Variants in LRCH3 observed in about 807,000 individuals in gnomAD.
LRCH3 encodes leucine rich repeats and calponin homology domain containing 3, also known as DISP complex protein LRCH3.
In LRCH3, 68 loss-of-function variants were observed where a neutral mutation model predicts 104.5. The observed-to-expected ratio is 0.65, with a 90% CI of 0.54 to 0.80. The LOEUF is 0.80. Among genes scored for constraint, LRCH3 ranks in the 30% least tolerant of loss-of-function variants. The pLI, the probability that LRCH3 is intolerant of heterozygous loss-of-function variation, is 0.00. For missense variants in LRCH3, 951 were observed against 953.9 expected (o/e 1.00, Z 0.04); for synonymous variants, 344 against 361.3 (o/e 0.95, Z 0.54).
intron 12 of LRCH3, 32 bp downstream of exon 12, chr3:197,848,053 C>A (rs777991012): frequency 1.2e-6 from 2 of 1,610,802 alleles, no homozygotes; most frequent in South Asian, 2.2e-5. Context: ...GTTCAAGCTG[C>A]TGACTGGCTA....
intron 4 of LRCH3, among the ~76,000 whole-genome samples, chr3:197,824,823 G>A (rs138399846): frequency 1.3e-5 from 2 of 151,634 alleles, no homozygotes; most frequent in East Asian, 3.9e-4. Context: ...ACCCGCCTTG[G>A]CCTCCCAAAG....
chr3:197,838,241 G>A lies in LRCH3; in HGVS notation c.1252-1080G>A, dbSNP rs553048964. On this transcript the variant is annotated intron_variant, in intron 9 of 20. Coordinates refer to ENST00000425562, the MANE Select transcript of LRCH3 (RefSeq NM_001365715.1). ...TTGAGGCCGGCCTGGGCCACATAGC[G>A]ACACTCTGTCTCCAGATAAGCAAAA... 2.7e-3 allele frequency among the ~76,000 whole-genome samples: 415 copies of A among 152,344 alleles called. 1 individual carries two copies. The highest frequency in any genetic ancestry group is 3.4e-3 in the Non-Finnish European group (234 of 68,024).
chr3:197,862,153 G>A (rs556594470), intron 15 of LRCH3, among the ~76,000 whole-genome samples: 41 of 152,122 alleles, frequency 2.7e-4, no homozygotes, highest in African/African-American at 8.9e-4. Context: ...ATGCCACCAC[G>A]CCCAGCTAAT....
intron 4 of LRCH3, among the ~76,000 whole-genome samples, chr3:197,822,392 A>C (rs1045022841): frequency 6.6e-6 from 1 of 152,372 alleles, no homozygotes; most frequent in East Asian, 1.9e-4. Flanking sequence ...ACTTACTCCT[A>C]TAATAATATT....
At chr3:197,792,401 T>A (rs1730629239) in intron 1 of LRCH3, among the ~76,000 whole-genome samples, 1 of 149,608 alleles carries the variant, frequency 6.7e-6, no homozygotes, top group South Asian at 2.1e-4. Context: ...GTAGGTATTA[T>A]TTGGCTTTCT....
At chr3:197,866,088 AT>A (rs760594046) in intron 16 of LRCH3, 23 bp from the exon 17 acceptor site, 3 of 1,536,772 alleles carry the variant, frequency 2.0e-6, no homozygotes. Context: ...CTTTAATCTC[AT>A]TTTATTTTTC....
intron 4 of LRCH3, among the ~76,000 whole-genome samples, chr3:197,824,342 C>T (rs375906119): frequency 3.4e-5 from 5 of 145,008 alleles, no homozygotes; most frequent in African/African-American, 1.3e-4. Context: ...GGATTACAGG[C>T]GTGAGCCACC....
chr3:197,846,464 A>C (rs1440899220), intron 10 of LRCH3, among the ~76,000 whole-genome samples: 4 of 147,940 alleles, frequency 2.7e-5, no homozygotes, highest in Non-Finnish European at 5.9e-5. Context: ...TAGGAGGCTG[A>C]GGTGGGAGGA....
intron 20 of LRCH3, chr3:197,881,385 C>A: frequency 1.0e-6 from 1 of 986,992 alleles, no homozygotes; most frequent in Non-Finnish European, 1.2e-6. Flanking sequence ...CTCTTCTGAG[C>A]CCAGTCTATA....
rs532428973 is a variant in LRCH3 at position 197,880,746 on chromosome 3, T to C, written c.2209-2795T>C. Reference sequence around the variant, plus strand: ...TGCACTCCGGTGACTTTCTGCCTCATTCCTGTGCTTGGTAAAGGAGGTTTG... The same window carrying C: ...TGCACTCCGGTGACTTTCTGCCTCACTCCTGTGCTTGGTAAAGGAGGTTTG... On this transcript the variant is annotated intron_variant, in intron 20 of 20. Coordinates refer to ENST00000425562, the MANE Select transcript of LRCH3 (RefSeq NM_001365715.1). 6 of 1,536,220 alleles carry C rather than the reference T, an allele frequency of 3.9e-6. No homozygotes were observed. In the Admixed American group the frequency reaches 9.8e-5, roughly 25 times the overall value.
At position 197,815,133 on chromosome 3, in the gene LRCH3, T is replaced by C. The variant is rs556803219; in HGVS notation, c.407+81T>C. 3.6e-4 allele frequency: 288 copies of C among 810,442 alleles called. 4 individuals are homozygous for C. In the South Asian group the frequency reaches 6.0e-3, roughly 17 times the overall value. 50.2% of individuals were successfully genotyped at this position (810,442 alleles called of 1,614,324 possible). A position where few individuals can be genotyped will look rare whatever the true frequency, so the allele number is the denominator to read the frequency against. ...TTCCCCTTTCCCTAAAATATTTACC[T>C]ATATATATGCTATCTATTCATATCA... On this transcript the variant is annotated intron_variant, in intron 2 of 20. Coordinates refer to ENST00000425562, the MANE Select transcript of LRCH3 (RefSeq NM_001365715.1).
At chr3:197,850,602 T>G (rs1035782990) in intron 12 of LRCH3, 2 of 1,584,996 alleles carry the variant, frequency 1.3e-6, no homozygotes, top group African/African-American at 1.3e-5. Context: ...TTTGTTCACT[T>G]GGATATGCTC....
At chr3:197,880,002 G>A (rs1012903432) in intron 20 of LRCH3, among the ~76,000 whole-genome samples, 5 of 150,796 alleles carry the variant, frequency 3.3e-5, no homozygotes, top group African/African-American at 4.9e-5. Context: ...CTGGAGTGCG[G>A]TGGCGCGATC....
chr3:197,880,392 T>G (rs1318699270), intron 20 of LRCH3: 6 of 758,192 alleles, frequency 7.9e-6, no homozygotes, highest in Non-Finnish European at 1.3e-5. Context: ...GTAAAAATGT[T>G]ACAGGATGTG....
chr3:197,855,521 T>C (rs1740130629), intron 14 of LRCH3, among the ~76,000 whole-genome samples: 1 of 152,188 alleles, frequency 6.6e-6, no homozygotes, highest in South Asian at 2.1e-4. Context: ...ATGTGACTTG[T>C]CCAATGTCGC....
At position 197,830,855 on chromosome 3, in the gene LRCH3, G is replaced by A. The variant is rs1428244592; in HGVS notation, c.973G>A (p.Gly325Arg). 3 of 1,613,086 alleles carry A rather than the reference G, an allele frequency of 1.9e-6. No homozygotes were observed. In the South Asian group the frequency reaches 3.3e-5, roughly 18 times the overall value. Reference sequence around the variant, plus strand: ...GGACAGTGGTGATAAGAGATGGTCAGGGAATGAAGTAAGTGTTTTTTATGT... The same window carrying A: ...GGACAGTGGTGATAAGAGATGGTCAAGGAATGAAGTAAGTGTTTTTTATGT... ...SVDSGDKRWS[G>R]NEPTDEFSDL... The change falls in exon 7 of 21, where the codon GGG (glycine) becomes AGG (arginine). Residue 325 changes from glycine (G) to arginine (R), a missense_variant. Transcript: ENST00000425562.
intron 10 of LRCH3, among the ~76,000 whole-genome samples, chr3:197,844,907 G>A (rs1373060534): frequency 3.3e-5 from 5 of 152,282 alleles, no homozygotes; most frequent in Admixed American, 3.3e-4. Context: ...ACAGGCGGGA[G>A]CCACTGCACC....
At chr3:197,832,791 T>G (rs1560555625) in intron 8 of LRCH3, among the ~76,000 whole-genome samples, 2 of 152,154 alleles carry the variant, frequency 1.3e-5, no homozygotes, top group African/African-American at 4.8e-5. Flanking sequence ...TTAAAAAATT[T>G]GTAGTTCATT....
intron 12 of LRCH3, among the ~76,000 whole-genome samples, chr3:197,848,965 A>C (rs1176642470): frequency 6.6e-6 from 1 of 152,186 alleles, no homozygotes; most frequent in African/African-American, 2.4e-5. Flanking sequence ...GTTTTCTATA[A>C]AAATGCAGGC....
Sources: allele counts gnomAD v4.1 joint callset (sites outside exome capture counted in the v4.1 genomes callset), GRCh38; gene constraint gnomAD v4.1.1; transcripts MANE v1.5; gene names NCBI Gene and HGNC (gene_info 2026-07-23, HGNC 2026-07-21).